The following ATG4A variants were observed in gnomAD, a reference collection of about 807,000 sequenced individuals.
ATG4A encodes the protein autophagy related 4A cysteine peptidase, also known as cysteine protease ATG4A.
A neutral mutation model predicts 38.4 loss-of-function variants in ATG4A; 22 were observed. The ratio of observed to expected loss-of-function variants is 0.57; its 90% CI spans 0.41 to 0.82. The LOEUF is 0.82. ATG4A is among the 40% of genes least tolerant of loss of function. The pLI is 0.00. For synonymous variants in ATG4A, 86 were observed against 100.7 expected, an observed-to-expected ratio of 0.85 and a Z score of 0.88; for missense variants, 220 against 290.0, an observed-to-expected ratio of 0.76 and a Z score of 1.75.
chrX:108,153,519 CACAAGTCTTTCTTTAGT>C, intron 12 of ATG4A, 106 bp from the exon 13 acceptor site: 1 of 527,841 alleles, frequency 1.9e-6, no homozygotes, highest in South Asian at 3.4e-5. Flanking sequence ...GTCTCCTCCA[CACAAGTCTTTCTTTAGT>C]ACAGCAATTA....
intron 1 of ATG4A, among the ~76,000 whole-genome samples, chrX:108,125,164 T>C (rs1199373381): frequency 9.0e-6 from 1 of 111,317 alleles, no homozygotes; most frequent in Non-Finnish European, 1.9e-5. Context: ...TTATTATTTA[T>C]TTATTTATTT....
At chrX:108,139,497 A>G (rs1422002460) in intron 9 of ATG4A, among the ~76,000 whole-genome samples, 1 of 111,927 alleles carries the variant, frequency 8.9e-6, no homozygotes, top group Non-Finnish European at 1.9e-5. Context: ...TGGGGATTGC[A>G]CAGCTGCCTC....
At chrX:108,091,745 A>C, upstream of ATG4A, 2 of 1,161,859 alleles carry the variant, frequency 1.7e-6, no homozygotes, top group Non-Finnish European at 2.4e-6. Context: ...AGCAGTGCAG[A>C]ACTACAAGTC....
intron 1 of ATG4A, among the ~76,000 whole-genome samples, chrX:108,108,159 C>CTTTTTTTT (rs35622417): frequency 1.5e-5 from 1 of 65,763 alleles, no homozygotes; most frequent in African/African-American, 6.2e-5. Context: ...TTTTGAGGCA[C>CTTTTTTTT]TTTTTTTTTT....
chrX:108,131,450 C>T, intron 4 of ATG4A, 92 bp downstream of exon 4: 1 of 899,729 alleles, frequency 1.1e-6, no homozygotes, highest in Non-Finnish European at 1.6e-6. Flanking sequence ...CTTGGGAACA[C>T]TCAGTAACAA....
At chrX:108,091,554 A>G (rs761381618), upstream of ATG4A, 7 of 1,167,334 alleles carry the variant, frequency 6.0e-6, no homozygotes, top group Admixed American at 1.5e-4. Context: ...TCGCGCGAGC[A>G]ACGCCCGCCT....
At chrX:108,150,118 C>A in intron 9 of ATG4A, 34 bp from the exon 10 acceptor site, 1 of 1,205,094 alleles carries the variant, frequency 8.3e-7, no homozygotes, top group South Asian at 1.8e-5. Flanking sequence ...GACCGGTAAT[C>A]CTTTGAAGGT....
At chrX:108,140,881 T>C (rs1406025684) in intron 9 of ATG4A, among the ~76,000 whole-genome samples, 1 of 96,385 alleles carries the variant, frequency 1.0e-5, no homozygotes, top group Non-Finnish European at 2.0e-5. Context: ...ATGTATTACA[T>C]ATACAAATAC....
intron 1 of ATG4A, among the ~76,000 whole-genome samples, chrX:108,111,149 C>T (rs1002738939): frequency 3.6e-5 from 4 of 111,894 alleles, no homozygotes; most frequent in Non-Finnish European, 7.5e-5. Flanking sequence ...AGCACTCCCA[C>T]CTCAGCTTCC....
chrX:108,137,990 A>G lies in ATG4A; in HGVS notation c.734A>G (p.Lys245Arg), dbSNP rs1238241517. The change falls in exon 8 of 13, where the codon AAA (lysine) becomes AGA (arginine). Residue 245 changes from lysine (K) to arginine (R), a missense_variant and splice_region_variant. Lys to Arg is a conservative substitution (Grantham distance 26). Coordinates refer to ENST00000372232, the MANE Select transcript of ATG4A (RefSeq NM_052936.5). ...AATCCTGTCTATGTTGATGCATTCA[A>G]AGTAAGTCACTTCTTTCCCTGAGCC... is the stretch of plus-strand genomic sequence containing the variant. ...QINPVYVDAF[K>R]ECFKMPQSLG... The G allele has an allele frequency of 1.7e-6, 2 of 1,199,018 alleles. No homozygotes were observed. Among genetic ancestry groups the G allele is most frequent in the African/African-American group, 3.5e-5 (2 of 56,763 alleles).
At chrX:108,117,834 T>C (rs1241985206) in intron 1 of ATG4A, among the ~76,000 whole-genome samples, 1 of 112,342 alleles carries the variant, frequency 8.9e-6, no homozygotes, top group Non-Finnish European at 1.9e-5. Flanking sequence ...CTAAGGCCTT[T>C]AGCTCTTTTA....
At chrX:108,139,174 C>T (rs1439798398) in intron 9 of ATG4A, among the ~76,000 whole-genome samples, 1 of 111,666 alleles carries the variant, frequency 9.0e-6, no homozygotes, top group Non-Finnish European at 1.9e-5. Flanking sequence ...CTCCCCAACA[C>T]ATCTCCTCTT....
chrX:108,142,148 T>A (rs1003559476), intron 9 of ATG4A, among the ~76,000 whole-genome samples: 1 of 111,691 alleles, frequency 9.0e-6, no homozygotes. Context: ...GGCTCACACT[T>A]GTAATCCCAG....
chrX:108,134,176 T>C lies in ATG4A; in HGVS notation c.394+18T>C, dbSNP rs766341518. 6 of 1,176,751 alleles carry C rather than the reference T, an allele frequency of 5.1e-6. No homozygotes were observed. The Admixed American group carries it at 1.1e-4, about 22-fold the overall frequency. On this transcript the variant is annotated intron_variant, in intron 5 of 12. Transcript: ENST00000372232. The stretch of plus-strand genomic sequence containing the variant: ...TCAAATGGGTAAGGTCATAAATCAA[T>C]AGTTTAAAGGCAGTGCCTATTCCTG...
At chrX:108,132,021 C>T (rs1458621295) in intron 4 of ATG4A, among the ~76,000 whole-genome samples, 2 of 111,283 alleles carry the variant, frequency 1.8e-5, no homozygotes, top group African/African-American at 3.3e-5. Context: ...GCCTCAGCCT[C>T]CTGAGTAGCT....
chrX:108,135,431 T>C (rs1339582502), intron 6 of ATG4A, among the ~76,000 whole-genome samples: 1 of 112,066 alleles, frequency 8.9e-6, no homozygotes, highest in Non-Finnish European at 1.9e-5. Context: ...TACTAACCAG[T>C]CTTCAGTGAA....
upstream of ATG4A, among the ~76,000 whole-genome samples, chrX:108,090,086 G>T (rs2031559185): frequency 2.7e-5 from 3 of 112,065 alleles, no homozygotes; most frequent in Non-Finnish European, 3.8e-5. Flanking sequence ...TTTCCTTGCT[G>T]AGCTTTCCAA....
At chrX:108,150,081 C>T (rs1260393810) in intron 9 of ATG4A, 71 bp from the exon 10 acceptor site, 1 of 1,117,096 alleles carries the variant, frequency 9.0e-7, no homozygotes, top group Non-Finnish European at 1.2e-6. Flanking sequence ...ACCAGAGTGC[C>T]TCCTCCCAAC....
intron 1 of ATG4A, among the ~76,000 whole-genome samples, chrX:108,122,660 C>A (rs184174261): frequency 3.6e-5 from 4 of 111,722 alleles, no homozygotes; most frequent in South Asian, 3.8e-4. Flanking sequence ...GAAGACCCCC[C>A]ACTTGTAAGA....
Sources: allele counts gnomAD v4.1 joint callset (sites outside exome capture counted in the v4.1 genomes callset), GRCh38; gene constraint gnomAD v4.1.1; transcripts MANE v1.5; gene names NCBI Gene and HGNC (gene_info 2026-07-23, HGNC 2026-07-21).